The following ZNF487 variants were observed in gnomAD, a reference collection of about 807,000 sequenced individuals.
ZNF487 encodes KRAB domain only 1.
Under a neutral mutation model 3.0 loss-of-function variants are expected in ZNF487, and 4 were observed. The ratio of observed to expected loss-of-function variants is 1.35; its 90% CI spans 0.66 to 3.08. The LOEUF (loss-of-function observed/expected upper bound fraction) is 3.08. Ranked by LOEUF, ZNF487 falls within the 30% of genes most tolerant of loss-of-function variation. ZNF487 has a pLI of 0.01. For missense variants in ZNF487, 146 were observed against 98.7 expected (o/e 1.48, Z -2.03); for synonymous variants, 55 against 34.6 (o/e 1.59, Z -2.06).
the ZNF487 span, among the ~76,000 whole-genome samples, chr10:43,511,807 A>C: frequency 4.5e-3 from 681 of 152,208 alleles, 3 homozygotes; most frequent in African/African-American, 0.016. Context: ...GATTATTAAA[A>C]TCCTCCTCTG....
chr10:43,469,532 G>T (rs1309327617), intron 1 of ZNF487, among the ~76,000 whole-genome samples: 1 of 152,016 alleles, frequency 6.6e-6, no homozygotes, highest in African/African-American at 2.4e-5. Flanking sequence ...ATAAGAGACA[G>T]GGTCCCTTAT....
At chr10:43,458,955 G>T (rs140638133) in intron 1 of ZNF487, among the ~76,000 whole-genome samples, 32 of 152,162 alleles carry the variant, frequency 2.1e-4, no homozygotes, top group Middle Eastern at 3.4e-3. Context: ...TTTCTGGCAA[G>T]TATCTCCACA....
chr10:43,488,625 AG>A, the ZNF487 span, among the ~76,000 whole-genome samples: 2 of 152,228 alleles, frequency 1.3e-5, no homozygotes, highest in Non-Finnish European at 2.9e-5. Context: ...CAAAAAATAT[AG>A]GGAGACTACA....
At chr10:43,455,209 C>T (rs531737716) in intron 1 of ZNF487, among the ~76,000 whole-genome samples, 1 of 151,998 alleles carries the variant, frequency 6.6e-6, no homozygotes, top group East Asian at 1.9e-4. Context: ...GACGGGGTTT[C>T]ACCGTGTTAG....
the ZNF487 span, among the ~76,000 whole-genome samples, chr10:43,508,242 T>A: frequency 6.6e-6 from 1 of 152,320 alleles, no homozygotes; most frequent in South Asian, 2.1e-4. Context: ...TTTGAGGCTC[T>A]CTGGAGAAAG....
At chr10:43,494,842 C>T in the ZNF487 span, among the ~76,000 whole-genome samples, 206 of 144,536 alleles carry the variant, frequency 1.4e-3, 1 homozygote, top group Middle Eastern at 3.7e-3. Context: ...GAGGCTGAGG[C>T]AGGAGAATCA....
downstream of ZNF487, among the ~76,000 whole-genome samples, chr10:43,484,104 G>C (rs186477699): frequency 0.013 from 2,015 of 151,620 alleles, 34 homozygotes; most frequent in African/African-American, 0.045. Context: ...CCTGACCTCA[G>C]GTGATCCACC....
intron 1 of ZNF487, among the ~76,000 whole-genome samples, chr10:43,446,640 C>T (rs1322474219): frequency 2.8e-5 from 4 of 144,714 alleles, no homozygotes; most frequent in African/African-American, 1.0e-4. Flanking sequence ...ACGATGGGCG[C>T]CCGGGCAGAG....
At chr10:43,451,296 A>C (rs1337680000) in intron 1 of ZNF487, among the ~76,000 whole-genome samples, 2 of 151,376 alleles carry the variant, frequency 1.3e-5, no homozygotes, top group Non-Finnish European at 2.9e-5. Context: ...CCCAGTCTGG[A>C]GTGCAATGGT....
chr10:43,482,037 G>C lies in ZNF487; in HGVS notation c.*115G>C, dbSNP rs1376331921. On this transcript the variant is annotated 3_prime_UTR_variant, in exon 4 of 4. Coordinates refer to ENST00000437590, the MANE Select transcript of ZNF487 (RefSeq NM_001355444.3). ...ATGAATGTGAGAGGAGGTCTGGTGA[G>C]AGGCCACCTGTAAATAAACACCACA... 1 of 582,260 alleles carries C rather than the reference G, an allele frequency of 1.7e-6. No individual in the cohort carries two copies. Among genetic ancestry groups the C allele is most frequent in the Non-Finnish European group, 3.0e-6 (1 of 331,368 alleles). 36.1% of individuals were successfully genotyped at this position (582,260 alleles called of 1,614,324 possible).
chr10:43,441,386 C>T (rs545355813), intron 1 of ZNF487, among the ~76,000 whole-genome samples: 11 of 152,176 alleles, frequency 7.2e-5, no homozygotes, highest in African/African-American at 2.6e-4. Context: ...CTGTCTCAGC[C>T]TCCCGACTAG....
chr10:43,477,653 G>GA (rs11285621), intron 3 of ZNF487, among the ~76,000 whole-genome samples: 4,433 of 145,670 alleles, frequency 0.03, 93 homozygotes, highest in South Asian at 0.043. Context: ...GGATTAGACT[G>GA]AAAAAAAAAA....
At chr10:43,479,076 T>A (rs2132146247) in intron 3 of ZNF487, among the ~76,000 whole-genome samples, 1 of 141,210 alleles carries the variant, frequency 7.1e-6, no homozygotes, top group African/African-American at 2.5e-5. Context: ...TATGTATGTA[T>A]GTATGTGTGT....
At chr10:43,517,971 G>A in the ZNF487 span, among the ~76,000 whole-genome samples, 6 of 152,214 alleles carry the variant, frequency 3.9e-5, no homozygotes, top group East Asian at 1.2e-3. Context: ...CCTGACCAAG[G>A]GTCAGCACCA....
chr10:43,494,231 C>A, the ZNF487 span, among the ~76,000 whole-genome samples: 1 of 152,112 alleles, frequency 6.6e-6, no homozygotes, highest in African/African-American at 2.4e-5. Flanking sequence ...CACAAACACA[C>A]AAGCTTGTGT....
At chr10:43,480,747 T>A (rs1302710544) in intron 3 of ZNF487, among the ~76,000 whole-genome samples, 22 of 151,906 alleles carry the variant, frequency 1.4e-4, no homozygotes, top group Admixed American at 1.4e-3. Flanking sequence ...TTTTAATAAT[T>A]CAATGGGCAC....
chr10:43,521,936 G>C, the ZNF487 span, among the ~76,000 whole-genome samples: 1 of 151,648 alleles, frequency 6.6e-6, no homozygotes, highest in African/African-American at 2.4e-5. Context: ...GTTGTGTGAG[G>C]TACAAGACTG....
the ZNF487 span, among the ~76,000 whole-genome samples, chr10:43,504,121 GAAATGTGTCACTGTCATTAAGTGAC>G: frequency 1.3e-5 from 2 of 152,016 alleles, no homozygotes; most frequent in African/African-American, 4.8e-5. Flanking sequence ...ATATTTCTCA[GAAATGTGTCACTGTCATTAAGTGAC>G]ACATGATTGT....
chr10:43,478,280 C>T (rs778215874), intron 3 of ZNF487, among the ~76,000 whole-genome samples: 2 of 152,156 alleles, frequency 1.3e-5, no homozygotes, highest in East Asian at 1.9e-4. Context: ...TTAGGCCAGG[C>T]GCGGTGGCTC....
Sources: allele counts gnomAD v4.1 joint callset (sites outside exome capture counted in the v4.1 genomes callset), GRCh38; gene constraint gnomAD v4.1.1; transcripts MANE v1.5; gene names NCBI Gene and HGNC (gene_info 2026-07-23, HGNC 2026-07-21).